COX7B2: variants seen among roughly 807,000 people sequenced by gnomAD.
COX7B2 encodes cytochrome c oxidase subunit 7B2.
For synonymous variants in COX7B2, 37 were observed against 32.1 expected, an observed-to-expected ratio of 1.15 and a Z score of -0.51; for missense variants, 109 against 95.9, an observed-to-expected ratio of 1.14 and a Z score of -0.57.
At chr4:46,863,833 A>G (rs1201336372) in intron 1 of COX7B2, among the ~76,000 whole-genome samples, 3 of 152,128 alleles carry the variant, frequency 2.0e-5, no homozygotes, top group African/African-American at 7.2e-5. Context: ...TGTTCTTGAA[A>G]CTTTATATTT....
At chr4:46,779,114 T>C (rs984299675) in intron 2 of COX7B2, among the ~76,000 whole-genome samples, 3 of 152,218 alleles carry the variant, frequency 2.0e-5, no homozygotes, top group Non-Finnish European at 2.9e-5. Flanking sequence ...ACCAATGTTA[T>C]AGCTACAATT....
chr4:46,875,174 G>T (rs1718246110), intron 1 of COX7B2, among the ~76,000 whole-genome samples: 1 of 152,002 alleles, frequency 6.6e-6, no homozygotes, highest in Admixed American at 6.6e-5. Flanking sequence ...TTTCTGTTTT[G>T]CTTTTTAAAT....
At chr4:46,742,128 A>G (rs932375984) in intron 2 of COX7B2, among the ~76,000 whole-genome samples, 1 of 152,296 alleles carries the variant, frequency 6.6e-6, no homozygotes, top group South Asian at 2.1e-4. Flanking sequence ...CCTGGGAATA[A>G]GTTAGTCAAA....
chr4:46,763,101 A>G (rs1302230453), intron 2 of COX7B2, among the ~76,000 whole-genome samples: 1 of 106,296 alleles, frequency 9.4e-6, no homozygotes, highest in Non-Finnish European at 1.9e-5. Context: ...AATATATAAT[A>G]AATTATATAA....
At chr4:46,886,836 T>C (rs1719111544) in intron 1 of COX7B2, among the ~76,000 whole-genome samples, 1 of 152,134 alleles carries the variant, frequency 6.6e-6, no homozygotes, top group Non-Finnish European at 1.5e-5. Flanking sequence ...TAGTTCAATA[T>C]GCAAAAATGC....
chr4:46,859,913 C>G (rs1486795006), intron 1 of COX7B2, among the ~76,000 whole-genome samples: 1 of 152,222 alleles, frequency 6.6e-6, no homozygotes, highest in Non-Finnish European at 1.5e-5. Flanking sequence ...GGGTGCACTG[C>G]CTATGAGTTA....
intron 1 of COX7B2, among the ~76,000 whole-genome samples, chr4:46,900,724 A>C (rs1174478771): frequency 7.2e-5 from 11 of 152,194 alleles, no homozygotes; most frequent in African/African-American, 1.4e-4. Flanking sequence ...AAAGAGGCCC[A>C]ATGAAGCTTG....
At chr4:46,871,581 A>G (rs1240614614) in intron 1 of COX7B2, among the ~76,000 whole-genome samples, 1 of 152,066 alleles carries the variant, frequency 6.6e-6, no homozygotes, top group African/African-American at 2.4e-5. Flanking sequence ...TTTGCAAACT[A>G]TGCATCTGAC....
At chr4:46,808,700 G>A (rs1667049098) in intron 2 of COX7B2, among the ~76,000 whole-genome samples, 1 of 151,750 alleles carries the variant, frequency 6.6e-6, no homozygotes, top group Admixed American at 6.6e-5. Context: ...CTTATGTTGA[G>A]GAACTTTCTT....
intron 2 of COX7B2, among the ~76,000 whole-genome samples, chr4:46,761,363 C>G (rs1157258217): frequency 1.3e-5 from 2 of 152,250 alleles, no homozygotes; most frequent in South Asian, 2.1e-4. Flanking sequence ...CATTAAAGAG[C>G]TGGCACAGCT....
chr4:46,803,418 A>G (rs748959688), intron 2 of COX7B2, among the ~76,000 whole-genome samples: 15 of 152,144 alleles, frequency 9.9e-5, no homozygotes, highest in Admixed American at 4.6e-4. Flanking sequence ...CAAAATTTTG[A>G]GTTCAGTTAC....
At chr4:46,861,453 A>G (rs1352481816) in intron 1 of COX7B2, among the ~76,000 whole-genome samples, 1 of 152,180 alleles carries the variant, frequency 6.6e-6, no homozygotes, top group Non-Finnish European at 1.5e-5. Context: ...ACATGTGGAC[A>G]ATGGTAAGCA....
At chr4:46,778,609 T>C (rs1717283710) in intron 2 of COX7B2, among the ~76,000 whole-genome samples, 1 of 152,184 alleles carries the variant, frequency 6.6e-6, no homozygotes, top group Admixed American at 6.5e-5. Flanking sequence ...AAAATGTGCA[T>C]TTGATGCTAA....
At chr4:46,879,139 T>C (rs190489170) in intron 1 of COX7B2, among the ~76,000 whole-genome samples, 234 of 152,240 alleles carry the variant, frequency 1.5e-3, no homozygotes, top group Non-Finnish European at 2.3e-3. Flanking sequence ...TGTTTGTTTT[T>C]TTGAGACAGG....
intron 2 of COX7B2, among the ~76,000 whole-genome samples, chr4:46,830,180 C>CG (rs1262543444): frequency 2.0e-5 from 3 of 151,462 alleles, no homozygotes; most frequent in Non-Finnish European, 2.9e-5. Flanking sequence ...AAAAATTAGC[C>CG]GGGGGTGGTG....
In COX7B2 at chr4:46,828,488, T is replaced by C. The variant is rs536694781; in HGVS notation, c.-50+16472A>G. On this transcript the variant is annotated intron_variant, in intron 2 of 2. Coordinates refer to ENST00000355591, the MANE Select transcript of COX7B2 (RefSeq NM_130902.3). ...CGGACTTAGAAATTGAGTCAGCCAT[T>C]CTGTAAAGCATTCAGGAAATAGTAA... Among the ~76,000 whole-genome samples the C allele has an allele frequency of 7.4e-4, 112 of 152,266 alleles. 1 individual carries two copies. The highest frequency in any genetic ancestry group is 1.4e-3 in the Non-Finnish European group (94 of 67,994).
chr4:46,770,629 A>G lies in COX7B2; in HGVS notation c.-49-35388T>C, dbSNP rs1220531710. Among the ~76,000 whole-genome samples, 8 of 151,558 alleles carry G rather than the reference A, an allele frequency of 5.3e-5. No homozygotes were observed. The East Asian group carries it at 1.6e-3, about 29-fold the overall frequency. ...GGCCCTGGTATAAAAACAGATATAT[A>G]GACCACCCACTGGAACAGAATAGAG... On this transcript the variant is annotated intron_variant, in intron 2 of 2. Transcript: ENST00000355591.
chr4:46,779,827 T>G (rs1169082492), intron 2 of COX7B2, among the ~76,000 whole-genome samples: 1 of 148,348 alleles, frequency 6.7e-6, no homozygotes, highest in African/African-American at 2.5e-5. Context: ...AGGGATGGAG[T>G]GGGGGGAAGC....
At chr4:46,777,644 A>G (rs1219774440) in intron 2 of COX7B2, among the ~76,000 whole-genome samples, 1 of 152,158 alleles carries the variant, frequency 6.6e-6, no homozygotes, top group Admixed American at 6.5e-5. Flanking sequence ...AAGGGAAGGT[A>G]TGTAGTTATG....
Sources: gnomAD v4.1 joint callset for allele counts (sites outside exome capture counted in the v4.1 genomes callset) on GRCh38, gnomAD v4.1.1 for gene constraint, MANE v1.5 for transcripts, NCBI Gene and HGNC (gene_info 2026-07-23, HGNC 2026-07-21) for gene names.